STXBP5L: variants seen among roughly 807,000 people sequenced by gnomAD.
The protein encoded by STXBP5L is syntaxin-binding protein 5-like.
Under a neutral mutation model 144.5 loss-of-function variants are expected in STXBP5L, and 65 were observed. The ratio of observed to expected loss-of-function variants is 0.45; its 90% CI spans 0.37 to 0.55. The LOEUF (loss-of-function observed/expected upper bound fraction) is 0.55. STXBP5L is among the 20% of genes least tolerant of loss of function. The pLI, the probability that STXBP5L is intolerant of heterozygous loss-of-function variation, is 0.00. For missense variants in STXBP5L, 1,298 were observed against 1,405.5 expected (o/e 0.92, Z 1.22); for synonymous variants, 505 against 469.6 (o/e 1.08, Z -0.97).
chr3:121,354,834 T>C (rs2045442723), intron 20 of STXBP5L, among the ~76,000 whole-genome samples: 2 of 152,190 alleles, frequency 1.3e-5, no homozygotes, highest in African/African-American at 4.8e-5. Flanking sequence ...TGGTACCAAT[T>C]GTTTCTTTCC....
At chr3:121,092,537 G>T (rs1230538842) in intron 5 of STXBP5L, among the ~76,000 whole-genome samples, 5 of 152,116 alleles carry the variant, frequency 3.3e-5, no homozygotes, top group South Asian at 2.1e-4. Context: ...GAAGCAATTG[G>T]GAATGGGAGT....
chr3:121,112,419 G>T (rs1046604397), intron 5 of STXBP5L, among the ~76,000 whole-genome samples: 3 of 152,126 alleles, frequency 2.0e-5, no homozygotes, highest in Non-Finnish European at 4.4e-5. Context: ...CAGCTCCCAG[G>T]TGGGCCGTTG....
chr3:121,124,285 G>C (rs916708987), intron 7 of STXBP5L, among the ~76,000 whole-genome samples: 14 of 151,428 alleles, frequency 9.2e-5, no homozygotes, highest in Admixed American at 7.2e-4. Flanking sequence ...AATTATCTTG[G>C]CTATTTCTGA....
chr3:121,326,512 A>T (rs2044154025), intron 20 of STXBP5L, among the ~76,000 whole-genome samples: 1 of 152,084 alleles, frequency 6.6e-6, no homozygotes, highest in African/African-American at 2.4e-5. Context: ...TAAACTAAAA[A>T]CATTTTAATC....
At chr3:120,993,298 G>A (rs1234456643) in intron 3 of STXBP5L, among the ~76,000 whole-genome samples, 1 of 152,092 alleles carries the variant, frequency 6.6e-6, no homozygotes, top group East Asian at 1.9e-4. Flanking sequence ...TGGCTCTGCA[G>A]TAGGTTTTCA....
At chr3:121,263,867 G>A (rs1363203884) in intron 18 of STXBP5L, among the ~76,000 whole-genome samples, 1 of 152,066 alleles carries the variant, frequency 6.6e-6, no homozygotes, top group Non-Finnish European at 1.5e-5. Flanking sequence ...AGGGAGAAGG[G>A]AACAAAGCTG....
chr3:121,005,459 A>C (rs924143959), intron 3 of STXBP5L, among the ~76,000 whole-genome samples: 1 of 151,742 alleles, frequency 6.6e-6, no homozygotes, highest in Non-Finnish European at 1.5e-5. Flanking sequence ...TTTATTAGTC[A>C]TGCTAGCGGT....
intron 5 of STXBP5L, among the ~76,000 whole-genome samples, chr3:121,048,001 T>C (rs999961738): frequency 6.6e-6 from 1 of 152,180 alleles, no homozygotes; most frequent in African/African-American, 2.4e-5. Flanking sequence ...TTGCTTTCCA[T>C]ATTTAGCACT....
intron 5 of STXBP5L, among the ~76,000 whole-genome samples, chr3:121,080,576 A>G (rs1039623727): frequency 6.6e-6 from 1 of 152,180 alleles, no homozygotes; most frequent in Non-Finnish European, 1.5e-5. Context: ...TCCTTCATTC[A>G]TGAAGCTTAA....
chr3:120,963,241 T>C (rs974155287), intron 3 of STXBP5L, among the ~76,000 whole-genome samples: 3 of 152,232 alleles, frequency 2.0e-5, no homozygotes, highest in Non-Finnish European at 2.9e-5. Context: ...TTTGACTTCC[T>C]CTTTTCCCAA....
chr3:121,052,216 C>T lies in STXBP5L; in HGVS notation c.470+6681C>T, dbSNP rs535990259. On this transcript the variant is annotated intron_variant, in intron 5 of 26. Transcript: ENST00000471454. ...AATCAATAGAAAAAGAGGGAATCCT[C>T]CCTAACTCATTTTATGAGGCCCGCA... is the stretch of plus-strand genomic sequence containing the variant. 5.4e-4 allele frequency among the ~76,000 whole-genome samples: 82 copies of T among 152,306 alleles called. 1 individual carries two copies. In the South Asian group the frequency reaches 7.5e-3, roughly 14 times the overall value.
intron 20 of STXBP5L, among the ~76,000 whole-genome samples, chr3:121,377,931 CA>C (rs1349260696): frequency 6.6e-6 from 1 of 152,124 alleles, no homozygotes. Context: ...AAATACCCAT[CA>C]ATGATAGACT....
At chr3:121,070,914 G>A (rs1261811026) in intron 5 of STXBP5L, among the ~76,000 whole-genome samples, 2 of 152,140 alleles carry the variant, frequency 1.3e-5, no homozygotes, top group African/African-American at 2.4e-5. Flanking sequence ...CTTTAAACCC[G>A]AAGTCATAGG....
intron 20 of STXBP5L, among the ~76,000 whole-genome samples, chr3:121,340,781 T>C (rs1425880008): frequency 2.0e-5 from 3 of 151,884 alleles, no homozygotes; most frequent in Non-Finnish European, 2.9e-5. Flanking sequence ...GGTGAACCAA[T>C]AAAAAATAAC....
intron 9 of STXBP5L, among the ~76,000 whole-genome samples, chr3:121,186,091 C>G (rs1411354388): frequency 1.3e-5 from 2 of 152,066 alleles, no homozygotes; most frequent in African/African-American, 4.8e-5. Context: ...TGATTTGGCT[C>G]TCTGTTTGTC....
intron 5 of STXBP5L, among the ~76,000 whole-genome samples, chr3:121,068,350 T>G (rs2041646607): frequency 6.6e-6 from 1 of 152,240 alleles, no homozygotes; most frequent in African/African-American, 2.4e-5. Context: ...TTAATATAAT[T>G]TATTGATATA....
At chr3:121,108,196 C>A (rs530010177) in intron 5 of STXBP5L, among the ~76,000 whole-genome samples, 1 of 152,130 alleles carries the variant, frequency 6.6e-6, no homozygotes, top group Non-Finnish European at 1.5e-5. Flanking sequence ...TATTTCAATA[C>A]GCTTTATTTC....
intron 5 of STXBP5L, among the ~76,000 whole-genome samples, chr3:121,093,123 C>T (rs919576038): frequency 6.6e-6 from 1 of 152,246 alleles, no homozygotes; most frequent in Admixed American, 6.5e-5. Flanking sequence ...GGATGAAGCC[C>T]ATTTGATCAT....
At chr3:121,069,611 A>T (rs1187587678) in intron 5 of STXBP5L, among the ~76,000 whole-genome samples, 1 of 152,164 alleles carries the variant, frequency 6.6e-6, no homozygotes. Context: ...TACCAGAAAT[A>T]TGTAGGAGAT....
Sources: gnomAD v4.1 joint callset for allele counts (sites outside exome capture counted in the v4.1 genomes callset) on GRCh38, gnomAD v4.1.1 for gene constraint, MANE v1.5 for transcripts, NCBI Gene and HGNC (gene_info 2026-07-23, HGNC 2026-07-21) for gene names.